PLCL1: variants seen among roughly 807,000 people sequenced by gnomAD.
PLCL1 encodes phospholipase C like 1 (inactive).
A neutral mutation model predicts 84.4 loss-of-function variants in PLCL1; 41 were observed. That is an observed-to-expected ratio of 0.49 (90% CI 0.38 to 0.63). The LOEUF (loss-of-function observed/expected upper bound fraction) is 0.63, where lower values mean the gene tolerates loss of function less well. Among genes scored for constraint, PLCL1 ranks in the 30% least tolerant of loss-of-function variants. The pLI, the probability that PLCL1 is intolerant of heterozygous loss-of-function variation, is 0.00. For missense variants in PLCL1, 1,206 were observed against 1,367.8 expected (o/e 0.88, Z 1.87); for synonymous variants, 490 against 488.3 (o/e 1.00, Z -0.05).
chr2:197,899,117 A>C (rs1688214044), intron 1 of PLCL1, among the ~76,000 whole-genome samples: 1 of 152,224 alleles, frequency 6.6e-6, no homozygotes, highest in Admixed American at 6.5e-5. Context: ...TAAACAAAAC[A>C]GATTCTCTGC....
chr2:197,832,454 G>A (rs1046027628), intron 1 of PLCL1, among the ~76,000 whole-genome samples: 2 of 152,108 alleles, frequency 1.3e-5, no homozygotes, highest in African/African-American at 4.8e-5. Flanking sequence ...GACTAAACCA[G>A]GAAGAAGTCA....
chr2:198,094,282 T>G (rs896636432), intron 3 of PLCL1, among the ~76,000 whole-genome samples: 1 of 152,072 alleles, frequency 6.6e-6, no homozygotes, highest in Non-Finnish European at 1.5e-5. Context: ...AGGATGGTCT[T>G]GATCTCCTGA....
At chr2:198,076,985 C>A (rs569545348) in intron 1 of PLCL1, among the ~76,000 whole-genome samples, 43 of 152,308 alleles carry the variant, frequency 2.8e-4, no homozygotes, top group African/African-American at 9.9e-4. Flanking sequence ...ATGTATGCAT[C>A]AGAACTGAAT....
At chr2:197,943,283 C>T (rs975931323) in intron 1 of PLCL1, among the ~76,000 whole-genome samples, 1 of 148,098 alleles carries the variant, frequency 6.8e-6, no homozygotes, top group Non-Finnish European at 1.5e-5. Context: ...TTCATTATTT[C>T]TTGATTATTT....
intron 1 of PLCL1, among the ~76,000 whole-genome samples, chr2:197,861,524 G>A (rs1042548036): frequency 2.0e-5 from 3 of 152,164 alleles, no homozygotes; most frequent in Non-Finnish European, 4.4e-5. Flanking sequence ...ACTTGAGTAG[G>A]GGATTGTGGA....
chr2:198,027,463 G>T (rs1023846105), intron 1 of PLCL1, among the ~76,000 whole-genome samples: 1 of 152,114 alleles, frequency 6.6e-6, no homozygotes, highest in African/African-American at 2.4e-5. Context: ...AAAACGTATT[G>T]TATACTTGAA....
chr2:197,822,082 A>G (rs922300828), intron 1 of PLCL1, among the ~76,000 whole-genome samples: 1 of 152,150 alleles, frequency 6.6e-6, no homozygotes, highest in African/African-American at 2.4e-5. Flanking sequence ...TCAAATGTAT[A>G]CCATATGTGA....
intron 1 of PLCL1, among the ~76,000 whole-genome samples, chr2:197,876,432 T>C (rs1452559547): frequency 6.6e-6 from 1 of 152,160 alleles, no homozygotes; most frequent in Non-Finnish European, 1.5e-5. Context: ...TTCCTACATT[T>C]TTCCCCTCAT....
rs764864414 is a variant in PLCL1 at position 198,085,983 on chromosome 2, A to T, written c.2466A>T (p.Gly822=). 6.2e-7 allele frequency: 1 copy of T among 1,614,088 alleles called. No individual in the cohort carries two copies. The highest frequency in any genetic ancestry group is 2.2e-5 in the East Asian group (1 of 44,886). The change falls in exon 2 of 6, where the codon GGA becomes GGT. Residue 822 remains glycine (G), a synonymous_variant. Coordinates refer to ENST00000428675, the MANE Select transcript of PLCL1 (RefSeq NM_006226.4). This position sits in a 1 kb window ranked among gnomAD's most constrained non-coding sequence, Gnocchi z 5.3. ...TACCATTTGAATGTTTGCAGCCTGG[A>T]TATCGGCATGTTCCCCTGCGTTCTT... ...YTIPFECLQP[G]YRHVPLRSFV... is the part of the protein sequence containing the mutation.
chr2:197,994,513 TA>T (rs1690416443), intron 1 of PLCL1, among the ~76,000 whole-genome samples: 1 of 152,222 alleles, frequency 6.6e-6, no homozygotes, highest in East Asian at 1.9e-4. Context: ...TATTTGGGGA[TA>T]TAAGATATGC....
intron 1 of PLCL1, among the ~76,000 whole-genome samples, chr2:197,992,554 A>G (rs570889702): frequency 2.6e-5 from 4 of 152,266 alleles, no homozygotes; most frequent in South Asian, 2.1e-4. Flanking sequence ...ATGAGCCACC[A>G]TGCCTGGCAA....
intron 5 of PLCL1, among the ~76,000 whole-genome samples, chr2:198,143,234 C>G (rs1401515609): frequency 6.6e-6 from 1 of 152,096 alleles, no homozygotes; most frequent in Non-Finnish European, 1.5e-5. Flanking sequence ...ATTAGATTCT[C>G]ATAAGGAATA....
At chr2:197,905,208 C>T (rs940409468) in intron 1 of PLCL1, among the ~76,000 whole-genome samples, 1 of 152,168 alleles carries the variant, frequency 6.6e-6, no homozygotes, top group Admixed American at 6.5e-5. Flanking sequence ...TTAAGCCCCA[C>T]ATGCATTAGG....
chr2:197,954,525 C>T (rs1045134197), intron 1 of PLCL1, among the ~76,000 whole-genome samples: 1 of 152,012 alleles, frequency 6.6e-6, no homozygotes, highest in African/African-American at 2.4e-5. Flanking sequence ...CTTTCATGAG[C>T]AAGCATCATA....
intron 1 of PLCL1, among the ~76,000 whole-genome samples, chr2:198,083,362 T>G: frequency 6.6e-6 from 1 of 152,208 alleles, no homozygotes; most frequent in African/African-American, 2.4e-5. Flanking sequence ...AAAACCTCTT[T>G]AGAAAGTTGC....
chr2:198,045,785 G>A lies in PLCL1; in HGVS notation c.241-37973G>A, dbSNP rs536279846. ...TGGACTCAGATGAAAAGCAAAAATG[G>A]CTGAAAATTGTCAATAATAGCATAC... is the stretch of plus-strand genomic sequence containing the variant. On this transcript the variant is annotated intron_variant, in intron 1 of 5. Transcript: ENST00000428675. Among the ~76,000 whole-genome samples the A allele has an allele frequency of 2.1e-3, 326 of 152,218 alleles. 2 individuals are homozygous for A. The highest frequency in any genetic ancestry group is 6.8e-3 in the Middle Eastern group (2 of 294).
At chr2:197,915,772 A>C (rs1688588028) in intron 1 of PLCL1, among the ~76,000 whole-genome samples, 1 of 152,176 alleles carries the variant, frequency 6.6e-6, no homozygotes, top group South Asian at 2.1e-4. Flanking sequence ...CTTTCATCTC[A>C]AAGCTCTGAC....
intron 1 of PLCL1, among the ~76,000 whole-genome samples, chr2:198,081,624 A>G (rs1692716568): frequency 6.6e-6 from 1 of 152,240 alleles, no homozygotes; most frequent in Non-Finnish European, 1.5e-5. Context: ...ATGCCAGGGC[A>G]CCAACAGGCA....
At chr2:197,825,494 C>T in intron 1 of PLCL1, among the ~76,000 whole-genome samples, 1 of 152,130 alleles carries the variant, frequency 6.6e-6, no homozygotes, top group South Asian at 2.1e-4. Flanking sequence ...AGAAAGGGAC[C>T]ACATTTTAGA....
Sources: gnomAD v4.1 joint callset for allele counts (sites outside exome capture counted in the v4.1 genomes callset) on GRCh38, gnomAD v4.1.1 for gene constraint, Gnocchi (gnomAD v3.1) non-coding constraint, MANE v1.5 for transcripts, NCBI Gene and HGNC (gene_info 2026-07-23, HGNC 2026-07-21) for gene names.